The following MTBP variants were observed in gnomAD, a reference collection of about 807,000 sequenced individuals.
MTBP encodes the protein mdm2-binding protein.
MTBP carries 101 observed loss-of-function variants against 117.0 expected under a neutral mutation model. The observed-to-expected ratio is 0.86, with a 90% CI of 0.73 to 1.02. The LOEUF is 1.02. MTBP is among the 50% of genes least tolerant of loss of function. The pLI, the probability that MTBP is intolerant of heterozygous loss-of-function variation, is 0.00. For synonymous variants in MTBP, 350 were observed against 351.5 expected (o/e 1.00, Z 0.05); for missense variants, 970 against 1,030.9 (o/e 0.94, Z 0.81).
chr8:120,484,618 C>T (rs1219121283), intron 11 of MTBP, among the ~76,000 whole-genome samples: 1 of 152,024 alleles, frequency 6.6e-6, no homozygotes, highest in African/African-American at 2.4e-5. Flanking sequence ...CTTTACATTC[C>T]TAAGATAATT....
intron 1 of MTBP, among the ~76,000 whole-genome samples, chr8:120,445,826 T>G (rs565591705): frequency 5.9e-5 from 9 of 152,332 alleles, no homozygotes; most frequent in Non-Finnish European, 7.3e-5. Context: ...AATGTTTAAC[T>G]TAATAAATTT....
intron 16 of MTBP, among the ~76,000 whole-genome samples, chr8:120,508,371 G>A (rs985146130): frequency 1.3e-5 from 2 of 152,096 alleles, no homozygotes; most frequent in African/African-American, 4.8e-5. Flanking sequence ...TGCTGAGGGC[G>A]ATTGATATGA....
At chr8:120,446,364 G>A (rs1409665472) in intron 1 of MTBP, 69 bp from the exon 2 acceptor site, 1 of 927,010 alleles carries the variant, frequency 1.1e-6, no homozygotes, top group African/African-American at 1.6e-5. Flanking sequence ...GTCTCTGATG[G>A]TGAAATTGGA....
Position 120,516,156 on chromosome 8 carries a change from A to G in MTBP, c.2211A>G (p.Arg737=). Residue 737 remains arginine (R), a synonymous_variant, in exon 18 of 22, where the codon AGA becomes AGG. Coordinates refer to ENST00000305949, the MANE Select transcript of MTBP (RefSeq NM_022045.5). ...CTGAAGTATCCCGATTGAAACGGAG[A>G]TCTAAAGATCTGAATTGCCTTTATC... ...LRTEVSRLKR[R]SKDLNCLYPR... 1 of 1,612,248 alleles carries G rather than the reference A, an allele frequency of 6.2e-7. No homozygotes were observed. The highest frequency in any genetic ancestry group is 1.1e-5 in the South Asian group (1 of 90,996).
chr8:120,516,309 T>C, intron 18 of MTBP, 118 bp downstream of exon 18: 1 of 893,568 alleles, frequency 1.1e-6, no homozygotes. Context: ...GAAGTTTGTT[T>C]TATGAGCTGT....
chr8:120,464,770 A>G (rs933642039), intron 10 of MTBP, among the ~76,000 whole-genome samples: 1 of 152,074 alleles, frequency 6.6e-6, no homozygotes, highest in Non-Finnish European at 1.5e-5. Context: ...TTCATCCTCT[A>G]AGAATAACTA....
intron 12 of MTBP, among the ~76,000 whole-genome samples, chr8:120,489,050 T>TTTTTTTTTTG: frequency 6.7e-6 from 1 of 148,428 alleles, no homozygotes; most frequent in Non-Finnish European, 1.5e-5. Flanking sequence ...ACTTCTTTTT[T>TTTTTTTTTTG]TTTTTTTGAG....
chr8:120,488,666 C>T (rs1208323603), intron 12 of MTBP, among the ~76,000 whole-genome samples: 1 of 152,060 alleles, frequency 6.6e-6, no homozygotes, highest in African/African-American at 2.4e-5. Context: ...GCCACATGTT[C>T]TATTTTATTG....
chr8:120,483,134 G>A (rs532524733), intron 11 of MTBP, among the ~76,000 whole-genome samples: 69 of 151,876 alleles, frequency 4.5e-4, no homozygotes, highest in Non-Finnish European at 7.7e-4. Flanking sequence ...GAATAGGGTG[G>A]GGTATCAGGC....
chr8:120,491,322 T>A (rs1563798766), intron 13 of MTBP, among the ~76,000 whole-genome samples: 1 of 152,132 alleles, frequency 6.6e-6, no homozygotes, highest in Non-Finnish European at 1.5e-5. Flanking sequence ...ATTTAAAAAT[T>A]GTGAATTCAG....
At chr8:120,455,675 T>A (rs1028947951) in intron 6 of MTBP, 96 bp downstream of exon 6, 11 of 1,210,230 alleles carry the variant, frequency 9.1e-6, no homozygotes, top group Non-Finnish European at 1.2e-5. Flanking sequence ...TGAAAATTAT[T>A]TTAATATGAC....
At chr8:120,522,796 T>C (rs375277129) in intron 21 of MTBP, 77 bp downstream of exon 21, 1 of 1,076,394 alleles carries the variant, frequency 9.3e-7, no homozygotes, top group Non-Finnish European at 1.4e-6. Context: ...TGCCATTATA[T>C]ATGCAGCAGT....
At chr8:120,468,403 A>G (rs946611956) in intron 10 of MTBP, among the ~76,000 whole-genome samples, 2 of 152,082 alleles carry the variant, frequency 1.3e-5, no homozygotes, top group African/African-American at 4.8e-5. Flanking sequence ...TGCCAATGAT[A>G]ATTAAGTTTT....
Position 120,509,612 on chromosome 8 carries a change from C to G in MTBP, c.1884-322C>G, listed in dbSNP as rs572778242. On this transcript the variant is annotated intron_variant, in intron 16 of 21. Coordinates refer to ENST00000305949, the MANE Select transcript of MTBP (RefSeq NM_022045.5). ...GTGAGACTCCGTCCCCACCGCCCCCCCAAAAAAAGAAAGAAATAATACTGC... is the reference window on the plus strand; with the variant it reads ...GTGAGACTCCGTCCCCACCGCCCCCGCAAAAAAAGAAAGAAATAATACTGC... 4.6e-5 allele frequency among the ~76,000 whole-genome samples: 7 copies of G among 151,808 alleles called. No homozygotes were observed. In the South Asian group the frequency reaches 1.2e-3, roughly 27 times the overall value.
chr8:120,466,070 A>G (rs1813683018), intron 10 of MTBP, among the ~76,000 whole-genome samples: 1 of 152,152 alleles, frequency 6.6e-6, no homozygotes, highest in Non-Finnish European at 1.5e-5. Context: ...AGTAAGAAAT[A>G]GAGACTTTAT....
intron 13 of MTBP, among the ~76,000 whole-genome samples, chr8:120,491,771 C>T (rs1234876827): frequency 6.6e-6 from 1 of 152,186 alleles, no homozygotes; most frequent in East Asian, 1.9e-4. Flanking sequence ...ATTGATTCAT[C>T]TTCACCTCTG....
chr8:120,461,297 G>C (rs1305340903), intron 9 of MTBP, 42 bp downstream of exon 9: 1 of 1,356,476 alleles, frequency 7.4e-7, no homozygotes, highest in African/African-American at 1.4e-5. Context: ...TACATTTTCT[G>C]TGTCAGGTAG....
chr8:120,510,165 AG>A (rs2130612812), intron 17 of MTBP, 136 bp downstream of exon 17: 1 of 538,308 alleles, frequency 1.9e-6, no homozygotes, highest in South Asian at 4.1e-5. Context: ...AAAGCAAAGT[AG>A]TGCATACAAA....
intron 11 of MTBP, 73 bp from the exon 12 acceptor site, chr8:120,488,077 TATCCTATGG>T (rs1814256014): frequency 8.7e-7 from 1 of 1,155,284 alleles, no homozygotes; most frequent in Admixed American, 3.0e-5. Flanking sequence ...AATTTTATTA[TATCCTATGG>T]ATCAAATGTA....
Sources: allele counts gnomAD v4.1 joint callset (sites outside exome capture counted in the v4.1 genomes callset), GRCh38; gene constraint gnomAD v4.1.1; transcripts MANE v1.5; gene names NCBI Gene and HGNC (gene_info 2026-07-23, HGNC 2026-07-21).